NOS1AP: variants seen among roughly 807,000 people sequenced by gnomAD.
NOS1AP encodes carboxyl-terminal PDZ ligand of neuronal nitric oxide synthase protein.
In NOS1AP, 21 loss-of-function variants were observed where a neutral mutation model predicts 56.2. The ratio of observed to expected loss-of-function variants is 0.37; its 90% CI spans 0.26 to 0.54. NOS1AP has a LOEUF of 0.54. Ranked by LOEUF, NOS1AP falls within the 20% of genes least tolerant of loss-of-function variation. The pLI is 0.84. For missense variants in NOS1AP, 522 were observed against 657.8 expected, an observed-to-expected ratio of 0.79 and a Z score of 2.26; for synonymous variants, 270 against 274.6, an observed-to-expected ratio of 0.98 and a Z score of 0.17.
At chr1:162,227,294 G>A (rs1332893953) in intron 2 of NOS1AP, among the ~76,000 whole-genome samples, 2 of 152,108 alleles carry the variant, frequency 1.3e-5, no homozygotes, top group East Asian at 3.8e-4. Context: ...AACATTTCCT[G>A]GTGGACTTGT....
intron 2 of NOS1AP, among the ~76,000 whole-genome samples, chr1:162,285,259 G>A (rs1655053762): frequency 1.3e-5 from 2 of 152,170 alleles, no homozygotes; most frequent in Non-Finnish European, 2.9e-5. Context: ...CGTTCAGAAG[G>A]GAGGTGCAGC....
intron 2 of NOS1AP, among the ~76,000 whole-genome samples, chr1:162,226,035 T>C (rs1046906135): frequency 6.6e-6 from 1 of 152,218 alleles, no homozygotes; most frequent in African/African-American, 2.4e-5. Context: ...GGCTCATGCC[T>C]GTAATCCCAG....
At chr1:162,097,527 C>T (rs1323613468) in intron 1 of NOS1AP, among the ~76,000 whole-genome samples, 5 of 152,150 alleles carry the variant, frequency 3.3e-5, no homozygotes, top group African/African-American at 1.2e-4. Flanking sequence ...TTCACATTTG[C>T]ATCTGGAATT....
rs1658064815 is a variant in NOS1AP, at chr1:162,365,712, C to G, written c.1105+143C>G. The stretch of plus-strand genomic sequence containing the variant: ...AGAAAACATAGGCAGCTTTGTTTTC[C>G]CATTAGTATACTTAATGAATTACAG... On this transcript the variant is annotated intron_variant, in intron 9 of 9. Coordinates refer to ENST00000361897, the MANE Select transcript of NOS1AP (RefSeq NM_014697.3). The G allele has an allele frequency of 5.1e-6, 5 of 973,266 alleles. No homozygotes were observed. In the African/African-American group the frequency reaches 6.4e-5, roughly 13 times the overall value. 60.3% of individuals were successfully genotyped at this position (973,266 alleles called of 1,614,324 possible).
Position 162,081,744 on chromosome 1 carries a change from C to CTATATATATAGA in NOS1AP, c.105+11467_105+11468insATATAGATATAT, listed in dbSNP as rs1203479621. 1.6e-4 allele frequency among the ~76,000 whole-genome samples: 14 copies of CTATATATATAGA among 85,250 alleles called. 1 individual carries two copies. Among genetic ancestry groups the CTATATATATAGA allele is most frequent in the East Asian group, 5.4e-4 (2 of 3,690 alleles). The allele number at this position is 85,250 out of a possible 152,430, so 55.9% of individuals were successfully genotyped here. A position where few individuals can be genotyped will look rare whatever the true frequency, so the allele number is the denominator to read the frequency against. On this transcript the variant is annotated intron_variant, in intron 1 of 9. Transcript: ENST00000361897. ...CATATCTATATCTATATATCTATATCTATATCTATAGATATATATATATAT... is the reference window on the plus strand; with the variant it reads ...CATATCTATATCTATATATCTATATCTATATATATAGATATATCTATAGATATATATATATAT...
chr1:162,326,640 G>A (rs1474082903), intron 4 of NOS1AP, among the ~76,000 whole-genome samples: 2 of 152,318 alleles, frequency 1.3e-5, no homozygotes, highest in Non-Finnish European at 2.9e-5. Flanking sequence ...TGAGTCTGAA[G>A]ACCTGAGAAC....
chr1:162,105,880 G>T (rs1647484682), intron 1 of NOS1AP, among the ~76,000 whole-genome samples: 1 of 152,244 alleles, frequency 6.6e-6, no homozygotes, highest in African/African-American at 2.4e-5. Context: ...GCAAGCCAGT[G>T]GGTCTCAATC....
chr1:162,338,699 T>C (rs1657013332), intron 5 of NOS1AP: 1 of 152,100 alleles, frequency 6.6e-6, no homozygotes, highest in Non-Finnish European at 1.5e-5. Context: ...CAGGGTGGGG[T>C]CTGGTGTGTA....
chr1:162,328,757 A>G (rs541374360), intron 4 of NOS1AP, among the ~76,000 whole-genome samples: 1 of 152,332 alleles, frequency 6.6e-6, no homozygotes, highest in South Asian at 2.1e-4. Flanking sequence ...TGTTGGCAGA[A>G]TTCCAGTCAA....
chr1:162,265,455 A>T (rs987160662), intron 2 of NOS1AP, among the ~76,000 whole-genome samples: 2 of 139,756 alleles, frequency 1.4e-5, no homozygotes, highest in African/African-American at 5.3e-5. Flanking sequence ...TTCAATTCCC[A>T]TCTATGAGTG....
rs567097273 is a variant in NOS1AP at position 162,305,123 on chromosome 1, TGTG to T, written c.344+4421_344+4423del. Among the ~76,000 whole-genome samples the T allele has an allele frequency of 3.3e-4, 51 of 152,322 alleles. No homozygotes were observed. The South Asian group carries it at 9.9e-3, about 30-fold the overall frequency. ...ATAACAGAATCATATATTTTTTAAT[TGTG>T]GTGAAATAAATATATATAACATAAA... On this transcript the variant is annotated intron_variant, in intron 4 of 9. Coordinates refer to ENST00000361897, the MANE Select transcript of NOS1AP (RefSeq NM_014697.3).
rs147925319 is a variant in NOS1AP at position 162,230,232 on chromosome 1, C to G, written c.178-57112C>G. 2.1e-3 allele frequency among the ~76,000 whole-genome samples: 326 copies of G among 152,234 alleles called. 1 individual carries two copies. The highest frequency in any genetic ancestry group is 7.4e-3 in the African/African-American group (308 of 41,534). On this transcript the variant is annotated intron_variant, in intron 2 of 9. Transcript: ENST00000361897. The stretch of plus-strand genomic sequence containing the variant: ...GCTGTCCACTGGGGCGCCAGCAAAA[C>G]CGGACGGAGGGGTGTATGCTGCTGG...
intron 2 of NOS1AP, among the ~76,000 whole-genome samples, chr1:162,278,388 C>G (rs983614065): frequency 6.6e-6 from 1 of 152,212 alleles, no homozygotes; most frequent in Non-Finnish European, 1.5e-5. Flanking sequence ...AATAGCATTA[C>G]TATTCAGTGT....
In NOS1AP at chr1:162,171,009, G is replaced by T. The variant is rs183148580; in HGVS notation, c.177+16533G>T. Reference sequence around the variant, plus strand: ...CAGCTAAACGGGTGGAGCTCATCCTGCAGGGAGGCTTGGGGTTCATGCTTT... The same window carrying T: ...CAGCTAAACGGGTGGAGCTCATCCTTCAGGGAGGCTTGGGGTTCATGCTTT... On this transcript the variant is annotated intron_variant, in intron 2 of 9. Coordinates refer to ENST00000361897, the MANE Select transcript of NOS1AP (RefSeq NM_014697.3). Among the ~76,000 whole-genome samples, 146 of 152,218 alleles carry T rather than the reference G, an allele frequency of 9.6e-4. 1 individual carries two copies. The highest frequency in any genetic ancestry group is 3.4e-3 in the African/African-American group (141 of 41,544).
chr1:162,187,286 G>T (rs1290832455), intron 2 of NOS1AP, among the ~76,000 whole-genome samples: 1 of 152,066 alleles, frequency 6.6e-6, no homozygotes, highest in African/African-American at 2.4e-5. Flanking sequence ...AAAGTTTTGT[G>T]ATCTTCTTTA....
intron 1 of NOS1AP, among the ~76,000 whole-genome samples, chr1:162,097,375 T>G (rs1014204802): frequency 6.6e-6 from 1 of 152,214 alleles, no homozygotes; most frequent in African/African-American, 2.4e-5. Context: ...TGGTATCTTC[T>G]GATGTATGGA....
intron 7 of NOS1AP, among the ~76,000 whole-genome samples, chr1:162,355,802 G>A (rs1319166091): frequency 2.0e-5 from 3 of 152,110 alleles, no homozygotes; most frequent in Non-Finnish European, 4.4e-5. Flanking sequence ...TTTGGAGTCT[G>A]GAAGTTGGCC....
intron 2 of NOS1AP, among the ~76,000 whole-genome samples, chr1:162,160,114 C>T (rs149049437): frequency 7.6e-4 from 115 of 152,294 alleles, no homozygotes; most frequent in African/African-American, 2.7e-3. Flanking sequence ...CTAGATGACA[C>T]TCAGGGGTAT....
chr1:162,357,581 T>C (rs547256203), intron 8 of NOS1AP, among the ~76,000 whole-genome samples: 2 of 148,606 alleles, frequency 1.3e-5, no homozygotes, highest in Non-Finnish European at 3.1e-5. Flanking sequence ...AAAAGATTAC[T>C]ACCCTAGCAT....
Sources: gnomAD v4.1 joint callset for allele counts (sites outside exome capture counted in the v4.1 genomes callset) on GRCh38, gnomAD v4.1.1 for gene constraint, MANE v1.5 for transcripts, NCBI Gene and HGNC (gene_info 2026-07-23, HGNC 2026-07-21) for gene names.